ATP2B1: variants seen among roughly 807,000 people sequenced by gnomAD.
ATP2B1 encodes ATPase plasma membrane Ca2+ transporting 1.
A neutral mutation model predicts 124.2 loss-of-function variants in ATP2B1; 14 were observed. The ratio of observed to expected loss-of-function variants is 0.11; its 90% CI spans 0.07 to 0.18. ATP2B1 has a LOEUF of 0.18. Ranked by LOEUF, ATP2B1 falls within the 10% of genes least tolerant of loss-of-function variation. ATP2B1 has a pLI of 1.00. For missense variants in ATP2B1, 763 were observed against 1,466.1 expected (o/e 0.52, Z 7.83); for synonymous variants, 449 against 492.4 (o/e 0.91, Z 1.17).
intron 12 of ATP2B1, 27 bp from the exon 13 acceptor site, chr12:89,611,399 C>A (rs188160866): frequency 1.4e-6 from 2 of 1,471,610 alleles, no homozygotes; most frequent in South Asian, 1.5e-5. Flanking sequence ...AAAAAAATTA[C>A]AAAGTTAATT....
chr12:89,611,481 A>G (rs892234296), intron 12 of ATP2B1, 109 bp from the exon 13 acceptor site: 16 of 828,378 alleles, frequency 1.9e-5, no homozygotes, highest in Middle Eastern at 5.0e-4. Flanking sequence ...AATGATGACA[A>G]TGATACAATG....
At chr12:89,706,753 A>G (rs1892497754) in intron 1 of ATP2B1, among the ~76,000 whole-genome samples, 1 of 152,188 alleles carries the variant, frequency 6.6e-6, no homozygotes, top group South Asian at 2.1e-4. Context: ...TTAATAAAAG[A>G]AAATCACGAA....
At chr12:89,668,761 G>A (rs550725373) in intron 1 of ATP2B1, among the ~76,000 whole-genome samples, 1 of 152,290 alleles carries the variant, frequency 6.6e-6, no homozygotes, top group East Asian at 1.9e-4. Flanking sequence ...GACAGCTTCA[G>A]TATGGGTGTC....
chr12:89,616,203 G>A (rs1305906090), intron 12 of ATP2B1, among the ~76,000 whole-genome samples: 2 of 151,992 alleles, frequency 1.3e-5, no homozygotes, highest in South Asian at 2.1e-4. Flanking sequence ...GATAGTGCCT[G>A]GCACACAGTA....
intron 2 of ATP2B1, among the ~76,000 whole-genome samples, chr12:89,652,724 G>A (rs1299741716): frequency 6.6e-6 from 1 of 151,322 alleles, no homozygotes. Flanking sequence ...TAACATTCTT[G>A]TGAAGGCTGC....
In ATP2B1 at chr12:89,603,810, T is replaced by A. The variant is rs771538557; in HGVS notation, c.2750A>T (p.Tyr917Phe). 1.9e-6 allele frequency: 3 copies of A among 1,614,118 alleles called. No individual in the cohort carries two copies. Among genetic ancestry groups the A allele is most frequent in the South Asian group, 2.2e-5 (2 of 91,088 alleles). The change falls in exon 17 of 21, where the codon TAT becomes TTT. Residue 917 changes from tyrosine to phenylalanine, a missense_variant. This residue lies in a region of ATP2B1 where 118 missense variants were observed against 240.3 expected (regional missense o/e 0.49). Transcript: ENST00000428670. The surrounding 1 kb of genome is among the most constrained non-coding windows in gnomAD (Gnocchi z 4.3). Reference sequence around the variant, plus strand: ...TGAGATGAGAGGCTTATTTCTACCATAAGGTTTCCGAAGCAAGAGAGACTC... The same window carrying A: ...TGAGATGAGAGGCTTATTTCTACCAAAAGGTTTCCGAAGCAAGAGAGACTC... ...PTESLLLRKP[Y>F]GRNKPLISRT...
At chr12:89,659,890 T>C (rs1280790042) in intron 1 of ATP2B1, among the ~76,000 whole-genome samples, 1 of 136,176 alleles carries the variant, frequency 7.3e-6, no homozygotes, top group Admixed American at 8.3e-5. Context: ...GCCACTGCAC[T>C]GCAGCCTGGG....
intron 1 of ATP2B1, among the ~76,000 whole-genome samples, chr12:89,700,339 T>C (rs1891693186): frequency 6.6e-6 from 1 of 152,124 alleles, no homozygotes; most frequent in Admixed American, 6.5e-5. Flanking sequence ...CAGCCCTCTA[T>C]TTGCACTGGT....
intron 2 of ATP2B1, among the ~76,000 whole-genome samples, chr12:89,647,390 T>C (rs931820699): frequency 6.6e-6 from 1 of 152,234 alleles, no homozygotes; most frequent in Non-Finnish European, 1.5e-5. Flanking sequence ...AAGTACTGTC[T>C]TTATATTTGA....
chr12:89,660,375 T>C (rs117470332), intron 1 of ATP2B1, among the ~76,000 whole-genome samples: 1,619 of 152,290 alleles, frequency 0.011, 20 homozygotes, highest in South Asian at 0.024. Context: ...CCTCTTACAT[T>C]TAATTCCCAA....
chr12:89,659,881 C>G (rs1198283903), intron 1 of ATP2B1, among the ~76,000 whole-genome samples: 3 of 148,000 alleles, frequency 2.0e-5, no homozygotes, highest in Admixed American at 6.8e-5. Flanking sequence ...GGAGATCGCG[C>G]CACTGCACTG....
At chr12:89,659,331 T>G (rs1209242394) in intron 1 of ATP2B1, among the ~76,000 whole-genome samples, 3 of 151,276 alleles carry the variant, frequency 2.0e-5, no homozygotes, top group Non-Finnish European at 4.4e-5. Flanking sequence ...AACAAACCAC[T>G]GTTGGTAGTC....
At chr12:89,701,014 G>A (rs927730985) in intron 1 of ATP2B1, among the ~76,000 whole-genome samples, 4 of 152,114 alleles carry the variant, frequency 2.6e-5, no homozygotes, top group Non-Finnish European at 5.9e-5. Flanking sequence ...ACTACTCTAT[G>A]TATCACTCAG....
At chr12:89,689,874 A>C (rs1303933564) in intron 1 of ATP2B1, among the ~76,000 whole-genome samples, 3 of 152,122 alleles carry the variant, frequency 2.0e-5, no homozygotes, top group African/African-American at 4.8e-5. Flanking sequence ...CTAAATATTA[A>C]ATGTCATTGT....
chr12:89,620,369 A>C, intron 10 of ATP2B1, 129 bp from the exon 11 acceptor site: 1 of 1,195,146 alleles, frequency 8.4e-7, no homozygotes, highest in South Asian at 1.6e-5. Flanking sequence ...CATTTTAAAG[A>C]AGGATATAGA....
At chr12:89,675,760 T>C (rs528304970) in intron 1 of ATP2B1, among the ~76,000 whole-genome samples, 1 of 152,296 alleles carries the variant, frequency 6.6e-6, no homozygotes, top group African/African-American at 2.4e-5. Context: ...AGAGGAGTCT[T>C]TTCTGGATTG....
chr12:89,657,652 CAGTT>C (rs879750385), intron 1 of ATP2B1, among the ~76,000 whole-genome samples: 4 of 152,210 alleles, frequency 2.6e-5, no homozygotes, highest in Non-Finnish European at 5.9e-5. Context: ...CCCAGAGAAT[CAGTT>C]AGATTGCTGG....
intron 1 of ATP2B1, among the ~76,000 whole-genome samples, chr12:89,674,268 T>C (rs1246222871): frequency 1.3e-5 from 2 of 151,910 alleles, no homozygotes; most frequent in Admixed American, 1.3e-4. Flanking sequence ...TTTAACCTTT[T>C]ATTATTCATA....
At chr12:89,608,772 T>C (rs1280732337) in intron 15 of ATP2B1, among the ~76,000 whole-genome samples, 1 of 152,160 alleles carries the variant, frequency 6.6e-6, no homozygotes, top group Non-Finnish European at 1.5e-5. Flanking sequence ...AGAGCAGCAG[T>C]GAGTGATCCT....
Sources: gnomAD v4.1 joint callset for allele counts (sites outside exome capture counted in the v4.1 genomes callset) on GRCh38, gnomAD v4.1.1 for gene constraint, gnomAD v4.1.1 regional missense constraint, Gnocchi (gnomAD v3.1) non-coding constraint, MANE v1.5 for transcripts, NCBI Gene and HGNC (gene_info 2026-07-23, HGNC 2026-07-21) for gene names.